Variants in IFNG-AS1 observed in about 807,000 individuals in gnomAD.
IFNG-AS1 encodes the protein IFNG regulatory antisense RNA 1.
At chr12:67,999,370 C>T (rs1240860102) in intron 2 of IFNG-AS1, among the ~76,000 whole-genome samples, 1 of 152,040 alleles carries the variant, frequency 6.6e-6, no homozygotes, top group East Asian at 1.9e-4. Context: ...ATAAAAGAAA[C>T]CAAGGATCCT....
intron 3 of IFNG-AS1, among the ~76,000 whole-genome samples, chr12:68,009,236 T>C (rs1186860452): frequency 6.6e-6 from 1 of 152,228 alleles, no homozygotes; most frequent in Non-Finnish European, 1.5e-5. Flanking sequence ...AACTGTATTG[T>C]CTAGGAATCA....
chr12:68,004,898 G>A (rs1296861024), intron 2 of IFNG-AS1, among the ~76,000 whole-genome samples: 1 of 152,050 alleles, frequency 6.6e-6, no homozygotes, highest in African/African-American at 2.4e-5. Flanking sequence ...TCTCTTTTCT[G>A]TCTCCTTTTT....
intron 2 of IFNG-AS1, among the ~76,000 whole-genome samples, chr12:68,001,123 A>C (rs1879757882): frequency 6.6e-6 from 1 of 152,182 alleles, no homozygotes; most frequent in Admixed American, 6.5e-5. Context: ...ATACAAACAC[A>C]CATATAATGT....
At chr12:68,001,061 C>T (rs1162364277) in intron 2 of IFNG-AS1, among the ~76,000 whole-genome samples, 2 of 152,288 alleles carry the variant, frequency 1.3e-5, no homozygotes, top group East Asian at 3.9e-4. Context: ...CCTCACACTC[C>T]TAGTGTCAAA....
intron 3 of IFNG-AS1, among the ~76,000 whole-genome samples, chr12:68,014,560 T>C (rs1880103742): frequency 6.6e-6 from 1 of 152,240 alleles, no homozygotes. Flanking sequence ...TTGAGCATTT[T>C]TTCATATGTT....
exon 3 of IFNG-AS1, chr12:68,006,135 A>G (rs1879900226): frequency 6.6e-6 from 1 of 152,218 alleles, no homozygotes; most frequent in African/African-American, 2.4e-5. Flanking sequence ...CTAAGACAAC[A>G]TGGTACATGT....
At chr12:68,014,320 A>G (rs1880098559) in intron 3 of IFNG-AS1, among the ~76,000 whole-genome samples, 1 of 152,180 alleles carries the variant, frequency 6.6e-6, no homozygotes, top group African/African-American at 2.4e-5. Flanking sequence ...GGATTGCTGG[A>G]TCAAATGGTA....
intron 1 of IFNG-AS1, among the ~76,000 whole-genome samples, chr12:67,990,624 C>T (rs1253871194): frequency 2.6e-5 from 4 of 151,262 alleles, no homozygotes; most frequent in East Asian, 3.9e-4. Flanking sequence ...GATGGAGTCT[C>T]GCACTGTCGA....
intron 1 of IFNG-AS1, among the ~76,000 whole-genome samples, chr12:67,994,091 G>A (rs1254280283): frequency 6.6e-6 from 1 of 152,192 alleles, no homozygotes; most frequent in Non-Finnish European, 1.5e-5. Flanking sequence ...CAAGCATTGG[G>A]AGGCATGTCA....
chr12:67,995,659 T>A (rs1879624075), intron 1 of IFNG-AS1, among the ~76,000 whole-genome samples: 1 of 147,674 alleles, frequency 6.8e-6, no homozygotes, highest in Admixed American at 6.7e-5. Context: ...GAGGCAGAGG[T>A]TGCAGTGAGC....
intron 3 of IFNG-AS1, among the ~76,000 whole-genome samples, chr12:68,017,606 C>A (rs1037087561): frequency 6.6e-5 from 10 of 152,136 alleles, no homozygotes; most frequent in Non-Finnish European, 1.3e-4. Context: ...AGCCATTTAC[C>A]ATTTTTGGTG....
At chr12:67,992,621 A>C (rs1879542606) in intron 1 of IFNG-AS1, among the ~76,000 whole-genome samples, 1 of 152,178 alleles carries the variant, frequency 6.6e-6, no homozygotes, top group Non-Finnish European at 1.5e-5. Context: ...CATGCTATAA[A>C]AGCCTTTTAT....
chr12:67,996,888 A>C (rs1879654249), intron 2 of IFNG-AS1, among the ~76,000 whole-genome samples: 2 of 152,182 alleles, frequency 1.3e-5, no homozygotes, highest in South Asian at 4.1e-4. Flanking sequence ...ATAAGAAATA[A>C]ATCAAATCTC....
intron 1 of IFNG-AS1, among the ~76,000 whole-genome samples, chr12:67,992,303 G>A (rs1442482661): frequency 6.6e-6 from 1 of 152,174 alleles, no homozygotes; most frequent in Non-Finnish European, 1.5e-5. Flanking sequence ...CTGCTACATA[G>A]TATTCCACTG....
At chr12:68,007,399 T>C (rs1879930222) in intron 3 of IFNG-AS1, among the ~76,000 whole-genome samples, 1 of 152,250 alleles carries the variant, frequency 6.6e-6, no homozygotes, top group African/African-American at 2.4e-5. Flanking sequence ...CAATTAAGAA[T>C]GTCATCCTAA....
chr12:67,999,706 G>A (rs533312362), intron 2 of IFNG-AS1, among the ~76,000 whole-genome samples: 2 of 152,256 alleles, frequency 1.3e-5, no homozygotes, highest in South Asian at 4.1e-4. Flanking sequence ...ATTAACGAGT[G>A]TCAAATAAAT....
intron 2 of IFNG-AS1, among the ~76,000 whole-genome samples, chr12:68,002,268 G>A (rs962679982): frequency 1.3e-5 from 2 of 152,178 alleles, no homozygotes; most frequent in South Asian, 2.1e-4. Context: ...GGGGAGTGGC[G>A]AGAGAGCACA....
chr12:67,994,888 G>A (rs1201766761), intron 1 of IFNG-AS1, among the ~76,000 whole-genome samples: 2 of 152,112 alleles, frequency 1.3e-5, no homozygotes, highest in Non-Finnish European at 2.9e-5. Context: ...AGAAACTTAG[G>A]CAAGTTACCT....
chr12:68,004,301 G>A (rs1394733885), intron 2 of IFNG-AS1, among the ~76,000 whole-genome samples: 1 of 152,130 alleles, frequency 6.6e-6, no homozygotes, highest in African/African-American at 2.4e-5. Flanking sequence ...CCCCCATGAT[G>A]CATTTACTTT....
Sources: gnomAD v4.1 joint callset for allele counts (sites outside exome capture counted in the v4.1 genomes callset) on GRCh38, gnomAD v4.1.1 for gene constraint, MANE v1.5 for transcripts, NCBI Gene and HGNC (gene_info 2026-07-23, HGNC 2026-07-21) for gene names.